Variants in TRIB1 observed in about 807,000 individuals in gnomAD.
The protein encoded by TRIB1 is tribbles homolog 1.
A neutral mutation model predicts 27.8 loss-of-function variants in TRIB1; 12 were observed. The ratio of observed to expected loss-of-function variants is 0.43; its 90% confidence interval spans 0.28 to 0.70. TRIB1 has a LOEUF of 0.70. Among genes scored for constraint, TRIB1 ranks in the 30% least tolerant of loss-of-function variants. The probability of loss-of-function intolerance (pLI) is 0.18; values close to 1 mark genes in which losing one functional copy is unlikely to be tolerated. For missense variants in TRIB1, 475 were observed against 515.8 expected, an observed-to-expected ratio of 0.92 and a Z score of 0.77; for synonymous variants, 230 against 224.9, an observed-to-expected ratio of 1.02 and a Z score of -0.20.
chr8:125,430,737 C>T lies in TRIB1; in HGVS notation c.-166C>T. 3.2e-6 allele frequency: 3 copies of T among 923,896 alleles called. No individual in the cohort carries two copies. The highest frequency in any genetic ancestry group is 4.3e-6 in the Non-Finnish European group (3 of 693,358). The allele number at this position is 923,896 out of a possible 1,614,324, so 57.2% of individuals were successfully genotyped here. A position where few individuals can be genotyped will look rare whatever the true frequency, so the allele number is the denominator to read the frequency against. ...TGGTCCCCGCGTGCAACGCGAGCGC[C>T]GGGGAGTGGCTCCTGCTTTGCCCCT... On this transcript the variant is annotated 5_prime_UTR_variant, in exon 1 of 3. Transcript: ENST00000311922.
In TRIB1 at chr8:125,431,117, C is replaced by T; in HGVS notation, c.215C>T (p.Pro72Leu). 7.6e-7 allele frequency: 1 copy of T among 1,323,150 alleles called. No individual in the cohort carries two copies. The highest frequency in any genetic ancestry group is 9.6e-7 in the Non-Finnish European group (1 of 1,044,290). The allele number at this position is 1,323,150 out of a possible 1,614,324, so 82.0% of individuals were successfully genotyped here. A position where few individuals can be genotyped will look rare whatever the true frequency, so the allele number is the denominator to read the frequency against. Residue 72 changes from proline to leucine, a missense_variant, in exon 1 of 3, where the codon CCG becomes CTG. Physicochemically the swap from Pro to Leu is moderately conservative, Grantham distance 98 (BLOSUM62 -3). Coordinates refer to ENST00000311922, the MANE Select transcript of TRIB1 (RefSeq NM_025195.4). ...PPGSPCSPQP[P>L]PAAPGAGGGS... ...GGCTCGCCCTGCAGCCCGCAGCCCC[C>T]GCCTGCCGCTCCGGGGGCCGGCGGA... is the stretch of plus-strand genomic sequence containing the variant.
In TRIB1 at chr8:125,433,886, A is replaced by G. The variant is rs1814705869; in HGVS notation, c.653+277A>G. The G allele has an allele frequency of 4.6e-6, 2 of 430,834 alleles. No individual in the cohort carries two copies. Among genetic ancestry groups the G allele is most frequent in the East Asian group, 3.8e-5 (1 of 26,368 alleles). 26.7% of individuals were successfully genotyped at this position (430,834 alleles called of 1,614,324 possible). A position where few individuals can be genotyped will look rare whatever the true frequency, so the allele number is the denominator to read the frequency against. On this transcript the variant is annotated intron_variant, in intron 2 of 2. Transcript: ENST00000311922. The surrounding 1 kb of genome is among the most constrained non-coding windows in gnomAD (Gnocchi z 4.4). Reference sequence around the variant, plus strand: ...TACCCCAGGATCAGGTTCATTCCCCATTGTTGTCAGAAAGGTCAGTTGTCT... The same window carrying G: ...TACCCCAGGATCAGGTTCATTCCCCGTTGTTGTCAGAAAGGTCAGTTGTCT...
chr8:125,431,179 G>C lies in TRIB1; in HGVS notation c.277G>C (p.Asp93His), dbSNP rs1814649860. 4.6e-6 allele frequency: 6 copies of C among 1,297,116 alleles called. No homozygotes were observed. The highest frequency in any genetic ancestry group is 5.8e-6 in the Non-Finnish European group (6 of 1,027,268). The allele number at this position is 1,297,116 out of a possible 1,614,324, so 80.4% of individuals were successfully genotyped here. A position where few individuals can be genotyped will look rare whatever the true frequency, so the allele number is the denominator to read the frequency against. ...GSAPGPSRIA[D>H]YLLLPLAERE... ...CGCGCCGGGGCCCAGCCGCATCGCC[G>C]ACTACCTGCTGCTGCCCCTAGCCGA... Residue 93 changes from aspartate to histidine, a missense_variant, in exon 1 of 3, where the codon GAC (aspartate) becomes CAC (histidine). Physicochemically the swap from Asp to His is moderately conservative, Grantham distance 81. Transcript: ENST00000311922.
At position 125,436,903 on chromosome 8, in the gene TRIB1, C is replaced by G. The variant is rs1814761831; in HGVS notation, c.*432C>G. On this transcript the variant is annotated 3_prime_UTR_variant, in exon 3 of 3. Transcript: ENST00000311922. ...GGCCAATAAATCTGCCATCTTTGAA[C>G]TCATCTTTGGTGGCTAGACTGCTAC... 9.6e-6 allele frequency: 2 copies of G among 207,516 alleles called. No homozygotes were observed. Among genetic ancestry groups the G allele is most frequent in the Admixed American group, 1.1e-4 (2 of 18,824 alleles). 12.9% of individuals were successfully genotyped at this position (207,516 alleles called of 1,614,324 possible).
At position 125,431,169 on chromosome 8, in the gene TRIB1, C is replaced by T. The variant is rs573099032; in HGVS notation, c.267C>T (p.Ser89=). 6.9e-6 allele frequency: 9 copies of T among 1,298,670 alleles called. No homozygotes were observed. The Admixed American group carries it at 3.3e-4, about 48-fold the overall frequency. 80.4% of individuals were successfully genotyped at this position (1,298,670 alleles called of 1,614,324 possible). A position where few individuals can be genotyped will look rare whatever the true frequency, so the allele number is the denominator to read the frequency against. The change falls in exon 1 of 3, where the codon AGC becomes AGT. Residue 89 remains serine, a synonymous_variant. Coordinates refer to ENST00000311922, the MANE Select transcript of TRIB1 (RefSeq NM_025195.4). ...GGGSGSAPGP[S]RIADYLLLPL... ...GCTCCGGGAGCGCGCCGGGGCCCAGCCGCATCGCCGACTACCTGCTGCTGC... is the reference window on the plus strand; with the variant it reads ...GCTCCGGGAGCGCGCCGGGGCCCAGTCGCATCGCCGACTACCTGCTGCTGC...
rs570842418 is a variant in TRIB1 at position 125,431,043 on chromosome 8, C to T, written c.141C>T (p.Cys47=). 3.4e-6 allele frequency: 5 copies of T among 1,456,078 alleles called. No homozygotes were observed. In the South Asian group the frequency reaches 5.3e-5, roughly 16 times the overall value. The allele number at this position is 1,456,078 out of a possible 1,614,324, so 90.2% of individuals were successfully genotyped here. A position where few individuals can be genotyped will look rare whatever the true frequency, so the allele number is the denominator to read the frequency against. ...ACGCGGCGGCTGTGGCGGCCAAGTG[C>T]CCGCGCCTCTCCGAGTGCTCCAGCC... The part of the protein sequence containing the change: ...ADDAAAVAAK[C]PRLSECSSPP... Residue 47 remains cysteine, a synonymous_variant, in exon 1 of 3, where the codon TGC becomes TGT. Coordinates refer to ENST00000311922, the MANE Select transcript of TRIB1 (RefSeq NM_025195.4).
rs1024610659 is a variant in TRIB1, at chr8:125,436,642, T to A, written c.*171T>A. The A allele has an allele frequency of 1.5e-5, 10 of 670,336 alleles. No individual in the cohort carries two copies. The highest frequency in any genetic ancestry group is 2.5e-5 in the Non-Finnish European group (10 of 400,542). The allele number at this position is 670,336 out of a possible 1,614,324, so 41.5% of individuals were successfully genotyped here. On this transcript the variant is annotated 3_prime_UTR_variant, in exon 3 of 3. Coordinates refer to ENST00000311922, the MANE Select transcript of TRIB1 (RefSeq NM_025195.4). ...TGTTGGGATGAGTGACTTTATTGAT[T>A]TGAGCAGCATATGCTGTGATTGGCT... is the stretch of plus-strand genomic sequence containing the variant.
chr8:125,430,948 C>A lies in TRIB1; in HGVS notation c.46C>A (p.Pro16Thr). The change falls in exon 1 of 3, where the codon CCC becomes ACC. Residue 16 changes from proline to threonine, a missense_variant. Pro to Thr is a conservative substitution (Grantham distance 38, BLOSUM62 -1). Transcript: ENST00000311922. ...VRSAMSGASQ[P>T]RGPALLFPAT... ...CTCTGCCATGAGCGGCGCCTCGCAG[C>A]CCCGCGGCCCGGCCCTGCTCTTCCC... is the stretch of plus-strand genomic sequence containing the variant. 6.8e-7 allele frequency: 1 copy of A among 1,471,450 alleles called. No individual in the cohort carries two copies. The highest frequency in any genetic ancestry group is 8.9e-7 in the Non-Finnish European group (1 of 1,119,174). The allele number at this position is 1,471,450 out of a possible 1,614,324, so 91.1% of individuals were successfully genotyped here.
chr8:125,432,432 C>A, intron 1 of TRIB1: 2 of 360,812 alleles, frequency 5.5e-6, no homozygotes, highest in Non-Finnish European at 7.7e-6. Flanking sequence ...TGGGGTGAGT[C>A]TGGCCATTGT....
intron 1 of TRIB1, chr8:125,432,252 C>T (rs971535182): frequency 1.4e-5 from 14 of 981,414 alleles, no homozygotes; most frequent in Non-Finnish European, 1.7e-5. Flanking sequence ...TGATCAAGCC[C>T]AGTTTAATAG....
At position 125,433,299 on chromosome 8, in the gene TRIB1, C is replaced by A. The variant is rs762317581; in HGVS notation, c.361-18C>A. 1.5e-5 allele frequency: 24 copies of A among 1,600,918 alleles called. No individual in the cohort carries two copies. In the East Asian group the frequency reaches 1.6e-4, roughly 10 times the overall value. On this transcript the variant is annotated intron_variant, in intron 1 of 2. Transcript: ENST00000311922. This position sits in a 1 kb window ranked among gnomAD's most constrained non-coding sequence, Gnocchi z 4.4. ...TTGCTTTTCTAGCCCCCTAAACGGG[C>A]CCCCCTTCTCTCTACAGGTGTTTCC...
intron 1 of TRIB1, among the ~76,000 whole-genome samples, 156 bp downstream of exon 1, chr8:125,431,418 G>A (rs1814654630): frequency 6.6e-6 from 1 of 152,228 alleles, no homozygotes; most frequent in Non-Finnish European, 1.5e-5. Flanking sequence ...TCACGTTTTT[G>A]TGGATCGAGG....
rs149162682 is a variant in TRIB1 at position 125,433,530 on chromosome 8, G to A, written c.574G>A (p.Ala192Thr). ...AARLFKQIVS[A>T]VAHCHQSAIV... ...CCGGCTCTTCAAGCAGATTGTCTCC[G>A]CCGTCGCCCACTGCCACCAGTCAGC... Residue 192 changes from alanine (A) to threonine (T), a missense_variant, in exon 2 of 3, where the codon GCC becomes ACC. Coordinates refer to ENST00000311922, the MANE Select transcript of TRIB1 (RefSeq NM_025195.4). This position sits in a 1 kb window ranked among gnomAD's most constrained non-coding sequence, Gnocchi z 4.4. The A allele has an allele frequency of 1.5e-5, 24 of 1,613,992 alleles. No individual in the cohort carries two copies. In the East Asian group the frequency reaches 2.7e-4, roughly 18 times the overall value.
At position 125,437,895 on chromosome 8, in the gene TRIB1, T is replaced by C. The variant is rs1217157698; in HGVS notation, c.*1424T>C. 1 of 152,804 alleles carries C rather than the reference T, an allele frequency of 6.5e-6. No individual in the cohort carries two copies. The highest frequency in any genetic ancestry group is 2.4e-5 in the African/African-American group (1 of 41,460). 9.5% of individuals were successfully genotyped at this position (152,804 alleles called of 1,614,324 possible). Reference sequence around the variant, plus strand: ...GGTGGTTAAACGGGTAAACAAAATATACTGTATTTTGAGAAATGGCACAAA... The same window carrying C: ...GGTGGTTAAACGGGTAAACAAAATACACTGTATTTTGAGAAATGGCACAAA... On this transcript the variant is annotated 3_prime_UTR_variant, in exon 3 of 3. Coordinates refer to ENST00000311922, the MANE Select transcript of TRIB1 (RefSeq NM_025195.4).
At position 125,437,177 on chromosome 8, in the gene TRIB1, G is replaced by A. The variant is rs1814770170; in HGVS notation, c.*706G>A. The A allele has an allele frequency of 6.6e-6, 1 of 152,410 alleles. No individual in the cohort carries two copies. The highest frequency in any genetic ancestry group is 1.5e-5 in the Non-Finnish European group (1 of 68,092). 9.4% of individuals were successfully genotyped at this position (152,410 alleles called of 1,614,324 possible). Reference sequence around the variant, plus strand: ...GCACTTACCAGCCGAACGTGGAACAGTATCACAAAAGATTCCATCTCCCAA... The same window carrying A: ...GCACTTACCAGCCGAACGTGGAACAATATCACAAAAGATTCCATCTCCCAA... On this transcript the variant is annotated 3_prime_UTR_variant, in exon 3 of 3. Coordinates refer to ENST00000311922, the MANE Select transcript of TRIB1 (RefSeq NM_025195.4).
Position 125,436,074 on chromosome 8 carries a change from A to G in TRIB1, c.722A>G (p.Asp241Gly). The G allele has an allele frequency of 6.2e-7, 1 of 1,614,164 alleles. No individual in the cohort carries two copies. The highest frequency in any genetic ancestry group is 8.5e-7 in the Non-Finnish European group (1 of 1,180,032). The change falls in exon 3 of 3, where the codon GAC becomes GGC. Residue 241 changes from aspartate (D) to glycine (G), a missense_variant. Asp to Gly is a moderately conservative substitution (Grantham distance 94). Transcript: ENST00000311922. ...AAGGGGGAAGATGATGCTTTGTCAG[A>G]CAAACATGGCTGCCCAGCCTACGTG... ...IMKGEDDALS[D>G]KHGCPAYVSP...
chr8:125,435,097 T>C (rs1181412868), intron 2 of TRIB1, among the ~76,000 whole-genome samples: 1 of 152,108 alleles, frequency 6.6e-6, no homozygotes, highest in Admixed American at 6.5e-5. Flanking sequence ...CTTTGAGCTT[T>C]GGGGGATCCA....
Position 125,430,948 on chromosome 8 carries a change from C to G in TRIB1, c.46C>G (p.Pro16Ala). The change falls in exon 1 of 3, where the codon CCC becomes GCC. Residue 16 changes from proline (P) to alanine (A), a missense_variant. Coordinates refer to ENST00000311922, the MANE Select transcript of TRIB1 (RefSeq NM_025195.4). Reference protein sequence around the residue: ...VRSAMSGASQPRGPALLFPAT... With the variant: ...VRSAMSGASQARGPALLFPAT... ...CTCTGCCATGAGCGGCGCCTCGCAGCCCCGCGGCCCGGCCCTGCTCTTCCC... is the reference window on the plus strand; with the variant it reads ...CTCTGCCATGAGCGGCGCCTCGCAGGCCCGCGGCCCGGCCCTGCTCTTCCC... 1 of 1,471,450 alleles carries G rather than the reference C, an allele frequency of 6.8e-7. No homozygotes were observed. Among genetic ancestry groups the G allele is most frequent in the Non-Finnish European group, 8.9e-7 (1 of 1,119,174 alleles). The allele number at this position is 1,471,450 out of a possible 1,614,324, so 91.1% of individuals were successfully genotyped here. A position where few individuals can be genotyped will look rare whatever the true frequency, so the allele number is the denominator to read the frequency against.
In TRIB1 at chr8:125,430,821, C is replaced by T. The variant is rs1279871397; in HGVS notation, c.-82C>T. Reference sequence around the variant, plus strand: ...CCATCCCGCCGGCTGGAAGAAGTCGCGGAGCCGGCACCAAACCCGCAGCGT... The same window carrying T: ...CCATCCCGCCGGCTGGAAGAAGTCGTGGAGCCGGCACCAAACCCGCAGCGT... On this transcript the variant is annotated 5_prime_UTR_variant, in exon 1 of 3. Coordinates refer to ENST00000311922, the MANE Select transcript of TRIB1 (RefSeq NM_025195.4). 3.0e-6 allele frequency: 4 copies of T among 1,336,636 alleles called. No homozygotes were observed. Among genetic ancestry groups the T allele is most frequent in the East Asian group, 3.1e-5 (1 of 31,826 alleles). The allele number at this position is 1,336,636 out of a possible 1,614,324, so 82.8% of individuals were successfully genotyped here. A position where few individuals can be genotyped will look rare whatever the true frequency, so the allele number is the denominator to read the frequency against.
Sources: allele counts gnomAD v4.1 joint callset (sites outside exome capture counted in the v4.1 genomes callset), GRCh38; gene constraint gnomAD v4.1.1; non-coding constraint Gnocchi (gnomAD v3.1); transcripts MANE v1.5; gene names NCBI Gene and HGNC (gene_info 2026-07-23, HGNC 2026-07-21).